The following GRID2 variants were observed in gnomAD, a reference collection of about 807,000 sequenced individuals.
The protein encoded by GRID2 is glutamate receptor ionotropic, delta-2.
A neutral mutation model predicts 114.8 loss-of-function variants in GRID2; 33 were observed. That is an observed-to-expected ratio of 0.29 (90% CI 0.22 to 0.38). The LOEUF (loss-of-function observed/expected upper bound fraction) is 0.38. GRID2 is among the 10% of genes least tolerant of loss of function. The pLI is 1.00. For missense variants in GRID2, 1,184 were observed against 1,257.7 expected (o/e 0.94, Z 0.89); for synonymous variants, 505 against 449.9 (o/e 1.12, Z -1.55).
intron 13 of GRID2, among the ~76,000 whole-genome samples, chr4:93,545,347 G>A (rs774154060): frequency 6.6e-6 from 1 of 152,150 alleles, no homozygotes; most frequent in Non-Finnish European, 1.5e-5. Flanking sequence ...TGCTGAATTG[G>A]GGAGGATAAG....
chr4:93,619,131 A>C (rs1279771617), intron 13 of GRID2, among the ~76,000 whole-genome samples: 1 of 152,182 alleles, frequency 6.6e-6, no homozygotes, highest in Non-Finnish European at 1.5e-5. Flanking sequence ...TCAGAGCACA[A>C]ATTAAAATTT....
At chr4:92,380,338 G>A (rs1401386566) in intron 1 of GRID2, among the ~76,000 whole-genome samples, 1 of 151,458 alleles carries the variant, frequency 6.6e-6, no homozygotes, top group African/African-American at 2.4e-5. Flanking sequence ...ATGTATTTTT[G>A]AAGACATTGC....
chr4:93,073,894 T>A (rs1705271642), intron 2 of GRID2, among the ~76,000 whole-genome samples: 1 of 152,172 alleles, frequency 6.6e-6, no homozygotes, highest in African/African-American at 2.4e-5. Flanking sequence ...AAGTTGCACA[T>A]GACCTGTGTG....
In GRID2 at chr4:92,491,276, C is replaced by T. The variant is rs975348826; in HGVS notation, c.89-98855C>T. Among the ~76,000 whole-genome samples, 53 of 152,100 alleles carry T rather than the reference C, an allele frequency of 3.5e-4. 1 individual carries two copies. Reference sequence around the variant, plus strand: ...ATATATATGCATCTTGCATTTGTGACATCTTGGTTAAGGGGTCTTAGATAA... The same window carrying T: ...ATATATATGCATCTTGCATTTGTGATATCTTGGTTAAGGGGTCTTAGATAA... On this transcript the variant is annotated intron_variant, in intron 1 of 15. Coordinates refer to ENST00000282020, the MANE Select transcript of GRID2 (RefSeq NM_001510.4).
At chr4:92,409,918 CT>C (rs1731215958) in intron 1 of GRID2, among the ~76,000 whole-genome samples, 1 of 151,922 alleles carries the variant, frequency 6.6e-6, no homozygotes, top group African/African-American at 2.4e-5. Flanking sequence ...ATTGCACTGG[CT>C]TTTCTCTGTC....
chr4:92,661,326 A>T (rs13143245), intron 2 of GRID2, among the ~76,000 whole-genome samples: 1 of 150,520 alleles, frequency 6.6e-6, no homozygotes, highest in East Asian at 1.9e-4. Context: ...AAAATCTAAC[A>T]TCTAATGTAA....
chr4:93,192,001 A>G (rs745928789), intron 4 of GRID2, among the ~76,000 whole-genome samples: 12 of 152,236 alleles, frequency 7.9e-5, no homozygotes, highest in African/African-American at 1.4e-4. Flanking sequence ...TCTAACAACA[A>G]TATTCTGCCC....
At chr4:93,412,759 C>G (rs978871174) in intron 9 of GRID2, among the ~76,000 whole-genome samples, 8 of 152,100 alleles carry the variant, frequency 5.3e-5, no homozygotes, top group Admixed American at 3.3e-4. Context: ...GCCTACCCCA[C>G]TAACAGGCCC....
chr4:92,791,021 G>A (rs557680715), intron 2 of GRID2, among the ~76,000 whole-genome samples: 1 of 151,230 alleles, frequency 6.6e-6, no homozygotes, highest in African/African-American at 2.4e-5. Flanking sequence ...TCTCCTTTAT[G>A]TGCTTCTTGT....
chr4:92,954,466 G>C lies in GRID2; in HGVS notation c.245-130529G>C, dbSNP rs191516397. ...TTTTGAGACGGAGTCTCACTCTGTCGCCCAGACTGGAGTGCAGTGGAGCGA... is the reference window on the plus strand; with the variant it reads ...TTTTGAGACGGAGTCTCACTCTGTCCCCCAGACTGGAGTGCAGTGGAGCGA... On this transcript the variant is annotated intron_variant, in intron 2 of 15. Transcript: ENST00000282020. Among the ~76,000 whole-genome samples the C allele has an allele frequency of 3.3e-5, 5 of 151,368 alleles. No individual in the cohort carries two copies. The South Asian group carries it at 1.0e-3, about 32-fold the overall frequency.
intron 2 of GRID2, among the ~76,000 whole-genome samples, chr4:93,068,536 C>A (rs1030902394): frequency 1.3e-5 from 2 of 152,006 alleles, no homozygotes; most frequent in Non-Finnish European, 2.9e-5. Flanking sequence ...GGAACTATGT[C>A]ATAGTAGATG....
intron 1 of GRID2, among the ~76,000 whole-genome samples, chr4:92,312,571 G>A (rs926007598): frequency 2.0e-5 from 3 of 151,980 alleles, no homozygotes; most frequent in South Asian, 4.2e-4. Context: ...ACTAATATTC[G>A]GAATATGGGG....
At chr4:92,919,798 T>C (rs965330584) in intron 2 of GRID2, among the ~76,000 whole-genome samples, 6 of 152,132 alleles carry the variant, frequency 3.9e-5, no homozygotes, top group Non-Finnish European at 5.9e-5. Context: ...GGAATAGGTG[T>C]GGTGTGGTGC....
chr4:92,401,659 T>G (rs945297726), intron 1 of GRID2, among the ~76,000 whole-genome samples: 2 of 152,182 alleles, frequency 1.3e-5, no homozygotes, highest in African/African-American at 4.8e-5. Context: ...CAAAACATAA[T>G]TAACATTTAA....
At position 93,368,407 on chromosome 4, in the gene GRID2, T is replaced by TA. The variant is rs1242735382; in HGVS notation, c.1246-27200_1246-27199insA. ...ATAGTAAGACTCTAAATAACTAAAG[T>TA]TTTTTTTTATTATACTTTAAGTTTT... is the stretch of plus-strand genomic sequence containing the variant. On this transcript the variant is annotated intron_variant, in intron 8 of 15. Coordinates refer to ENST00000282020, the MANE Select transcript of GRID2 (RefSeq NM_001510.4). Among the ~76,000 whole-genome samples, 23 of 15,070 alleles carry TA rather than the reference T, an allele frequency of 1.5e-3. No homozygotes were observed. The African/African-American group carries it at 0.052, about 34-fold the overall frequency. 9.9% of individuals were successfully genotyped at this position (15,070 alleles called of 152,430 possible).
At chr4:93,504,957 G>A (rs1728485184) in intron 12 of GRID2, among the ~76,000 whole-genome samples, 1 of 152,046 alleles carries the variant, frequency 6.6e-6, no homozygotes, top group African/African-American at 2.4e-5. Flanking sequence ...TTGTACCAGA[G>A]GTGGTATGCA....
intron 4 of GRID2, among the ~76,000 whole-genome samples, chr4:93,115,402 G>GACACACACAC (rs374431110): frequency 4.8e-5 from 7 of 144,474 alleles, no homozygotes; most frequent in African/African-American, 1.0e-4. Context: ...AGTATATACA[G>GACACACACAC]ACACACACAC....
intron 2 of GRID2, among the ~76,000 whole-genome samples, chr4:92,860,792 G>A (rs904906535): frequency 6.6e-6 from 1 of 151,952 alleles, no homozygotes; most frequent in Non-Finnish European, 1.5e-5. Flanking sequence ...GTACCTGAAA[G>A]GCAGTTATCA....
intron 8 of GRID2, among the ~76,000 whole-genome samples, chr4:93,259,218 G>T (rs1749968391): frequency 6.6e-6 from 1 of 151,734 alleles, no homozygotes; most frequent in African/African-American, 2.4e-5. Context: ...TACAAGGATT[G>T]CCCTACAGCA....
Sources: allele counts gnomAD v4.1 joint callset (sites outside exome capture counted in the v4.1 genomes callset), GRCh38; gene constraint gnomAD v4.1.1; transcripts MANE v1.5; gene names NCBI Gene and HGNC (gene_info 2026-07-23, HGNC 2026-07-21).